Variants in PVT1 observed in about 807,000 individuals in gnomAD.
The protein encoded by PVT1 is CXCR4/PVT1 fusion.
intron 2 of PVT1, among the ~76,000 whole-genome samples, chr8:127,863,886 GAGAGTGGTA>G (rs1180881836): frequency 6.6e-6 from 1 of 152,200 alleles, no homozygotes; most frequent in Non-Finnish European, 1.5e-5. Flanking sequence ...GTGCCTGGAT[GAGAGTGGTA>G]AGAGTTGCTG....
intron 3 of PVT1, among the ~76,000 whole-genome samples, chr8:127,983,118 G>A (rs1182500552): frequency 6.6e-6 from 1 of 152,160 alleles, no homozygotes; most frequent in Non-Finnish European, 1.5e-5. Context: ...TGGAGTACCT[G>A]CCTCCCTCTG....
intron 5 of PVT1, among the ~76,000 whole-genome samples, chr8:128,093,294 A>G (rs1465785621): frequency 1.3e-5 from 2 of 152,322 alleles, no homozygotes; most frequent in South Asian, 2.1e-4. Context: ...GCAGTGGCTC[A>G]TGCCTATAAT....
intron 2 of PVT1, among the ~76,000 whole-genome samples, chr8:127,798,253 G>A (rs537764274): frequency 2.0e-5 from 3 of 151,694 alleles, no homozygotes; most frequent in East Asian, 1.9e-4. Context: ...GCCGGGAGCC[G>A]AGATCGCACC....
intron 5 of PVT1, among the ~76,000 whole-genome samples, chr8:128,071,572 C>A (rs1171773376): frequency 6.6e-6 from 1 of 151,394 alleles, no homozygotes; most frequent in East Asian, 1.9e-4. Context: ...GTGGTCCCAG[C>A]TAGTTAGGAG....
At chr8:127,820,333 A>G (rs1257895080) in intron 2 of PVT1, among the ~76,000 whole-genome samples, 1 of 152,170 alleles carries the variant, frequency 6.6e-6, no homozygotes, top group Admixed American at 6.5e-5. Context: ...AAATTGACAA[A>G]TATGGTTTTC....
chr8:127,880,427 C>T (rs1196688503), intron 2 of PVT1, among the ~76,000 whole-genome samples: 8 of 151,158 alleles, frequency 5.3e-5, no homozygotes, highest in African/African-American at 1.9e-4. Flanking sequence ...GTAGCTGGGA[C>T]TACAGGCGCT....
chr8:127,997,325 G>A (rs1817118578), intron 4 of PVT1, among the ~76,000 whole-genome samples: 1 of 152,060 alleles, frequency 6.6e-6, no homozygotes, highest in African/African-American at 2.4e-5. Context: ...ACAGGAGTGA[G>A]CCACCGAGCC....
chr8:127,869,107 C>T (rs1170798442), intron 2 of PVT1, among the ~76,000 whole-genome samples: 1 of 151,840 alleles, frequency 6.6e-6, no homozygotes, highest in Non-Finnish European at 1.5e-5. Flanking sequence ...GTTAGTAAAT[C>T]ATGAAGTTGG....
intron 2 of PVT1, among the ~76,000 whole-genome samples, chr8:127,883,318 C>T (rs1176204254): frequency 6.6e-6 from 1 of 152,180 alleles, no homozygotes; most frequent in East Asian, 1.9e-4. Context: ...CATCCATCTG[C>T]CCGTCCTATA....
At chr8:127,904,568 A>G (rs550607851) in intron 3 of PVT1, among the ~76,000 whole-genome samples, 14 of 152,212 alleles carry the variant, frequency 9.2e-5, no homozygotes, top group South Asian at 2.1e-4. Context: ...GTGGTAGCCA[A>G]TACCTGGGAA....
chr8:128,022,099 A>G (rs1817445256), intron 4 of PVT1, among the ~76,000 whole-genome samples: 1 of 152,334 alleles, frequency 6.6e-6, no homozygotes, highest in Middle Eastern at 3.4e-3. Context: ...GAACCACTGA[A>G]TCAGATGCTG....
intron 3 of PVT1, chr8:127,947,672 C>T: frequency 2.2e-6 from 1 of 456,440 alleles, no homozygotes; most frequent in South Asian, 1.5e-5. Context: ...TTTTGGACCT[C>T]TCTGGACATG....
chr8:128,084,396 C>G (rs978263165), intron 5 of PVT1, among the ~76,000 whole-genome samples: 9 of 152,202 alleles, frequency 5.9e-5, no homozygotes, highest in Admixed American at 6.5e-5. Context: ...CTGCCTGGCT[C>G]TCTGCTCAGA....
intron 3 of PVT1, among the ~76,000 whole-genome samples, chr8:127,893,364 C>T (rs1330599390): frequency 6.6e-6 from 1 of 152,144 alleles, no homozygotes; most frequent in Non-Finnish European, 1.5e-5. Context: ...GCAACCTCCA[C>T]CTCCTTGGTT....
chr8:128,098,964 A>G (rs900870925), intron 6 of PVT1, among the ~76,000 whole-genome samples: 2 of 152,198 alleles, frequency 1.3e-5, no homozygotes, highest in Non-Finnish European at 2.9e-5. Context: ...TCTAGAAAGC[A>G]GCTTTTCTGG....
chr8:127,920,921 TG>T (rs1816048782), intron 3 of PVT1, among the ~76,000 whole-genome samples: 1 of 152,234 alleles, frequency 6.6e-6, no homozygotes, highest in Non-Finnish European at 1.5e-5. Flanking sequence ...GTATTTTGCA[TG>T]GAAGATGATT....
intron 2 of PVT1, among the ~76,000 whole-genome samples, chr8:127,829,255 C>A (rs978291849): frequency 3.3e-5 from 5 of 151,922 alleles, no homozygotes; most frequent in Admixed American, 3.3e-4. Flanking sequence ...CCAGCCTGGG[C>A]AATAAGAGTG....
At position 127,917,519 on chromosome 8, in the gene PVT1, C is replaced by G. The variant is rs776628658; in HGVS notation, n.782+26521C>G. On this transcript the variant is annotated intron_variant and non_coding_transcript_variant, in intron 3 of 10. Coordinates refer to ENST00000651587, the Ensembl canonical transcript of PVT1. ...TGATCCAGGGGAACCATATCAGTGACCTCAAGAGGCCCCTTTTAGCCACAG... is the reference window on the plus strand; with the variant it reads ...TGATCCAGGGGAACCATATCAGTGAGCTCAAGAGGCCCCTTTTAGCCACAG... Among the ~76,000 whole-genome samples the G allele has an allele frequency of 5.2e-4, 79 of 152,212 alleles. 1 individual carries two copies. Among genetic ancestry groups the G allele is most frequent in the Non-Finnish European group, 2.4e-4 (16 of 68,048 alleles).
Position 128,082,545 on chromosome 8 carries a change from T to C in PVT1, n.1114+12184T>C, listed in dbSNP as rs75880747. Among the ~76,000 whole-genome samples the C allele has an allele frequency of 7.1e-3, 1,082 of 152,276 alleles. 31 individuals are homozygous for C. Among genetic ancestry groups the C allele is most frequent in the East Asian group, 0.071 (367 of 5,184 alleles). On this transcript the variant is annotated intron_variant and non_coding_transcript_variant, in intron 5 of 10. Transcript: ENST00000651587. ...TCCCACTGTACAGAACATCAATATGTTCAAAGGGTTGGCAGGAGGCACCAA... is the reference window on the plus strand; with the variant it reads ...TCCCACTGTACAGAACATCAATATGCTCAAAGGGTTGGCAGGAGGCACCAA...
Sources: allele counts gnomAD v4.1 joint callset (sites outside exome capture counted in the v4.1 genomes callset), GRCh38; gene constraint gnomAD v4.1.1; transcripts MANE v1.5; gene names NCBI Gene and HGNC (gene_info 2026-07-23, HGNC 2026-07-21).